Variants in PPP2R3A observed in about 807,000 individuals in gnomAD.
The protein encoded by PPP2R3A is protein phosphatase 2 regulatory subunit B''alpha, also known as serine/threonine-protein phosphatase 2A regulatory subunit B'' subunit alpha.
PPP2R3A carries 80 observed loss-of-function variants against 106.9 expected under a neutral mutation model. That is an observed-to-expected ratio of 0.75 (90% confidence interval 0.62 to 0.90). The LOEUF is 0.90. Ranked by LOEUF, PPP2R3A falls within the 40% of genes least tolerant of loss-of-function variation. The pLI is 0.00. For synonymous variants in PPP2R3A, 483 were observed against 468.3 expected, an observed-to-expected ratio of 1.03 and a Z score of -0.41; for missense variants, 1,386 against 1,350.4, an observed-to-expected ratio of 1.03 and a Z score of -0.41.
chr3:136,022,983 C>T (rs1251765040), intron 2 of PPP2R3A: 1 of 1,577,122 alleles, frequency 6.3e-7, no homozygotes, highest in African/African-American at 1.4e-5. Context: ...AAATACCTTC[C>T]TACCTGACAA....
chr3:135,981,425 G>A (rs945944519), intron 1 of PPP2R3A, among the ~76,000 whole-genome samples: 2 of 151,800 alleles, frequency 1.3e-5, no homozygotes, highest in African/African-American at 4.9e-5. Flanking sequence ...GAAATGGTCA[G>A]TAAGGCCACT....
chr3:136,082,316 T>G lies in PPP2R3A; in HGVS notation c.2683T>G (p.Phe895Val). Residue 895 changes from phenylalanine (F) to valine (V), a missense_variant, in exon 8 of 14, where the codon TTC (phenylalanine) becomes GTC (valine). Phe to Val is a conservative substitution (Grantham distance 50). Transcript: ENST00000264977. The part of the protein sequence containing the change: ...EEDINQITDY[F>V]SYEHFYVIYC... ...AGATATAAACCAAATTACAGATTAC[T>G]TCTCCTATGAACATTTCTATGTTAT... 1.2e-6 allele frequency: 2 copies of G among 1,603,390 alleles called. No individual in the cohort carries two copies. Among genetic ancestry groups the G allele is most frequent in the Non-Finnish European group, 1.7e-6 (2 of 1,170,242 alleles).
intron 1 of PPP2R3A, among the ~76,000 whole-genome samples, chr3:135,988,643 C>T (rs575237224): frequency 1.3e-5 from 2 of 152,238 alleles, no homozygotes; most frequent in South Asian, 4.1e-4. Flanking sequence ...CATGCTCCCA[C>T]CTCAGAACCT....
intron 5 of PPP2R3A, among the ~76,000 whole-genome samples, chr3:136,059,304 A>C (rs1935997465): frequency 6.6e-6 from 1 of 152,156 alleles, no homozygotes; most frequent in Non-Finnish European, 1.5e-5. Context: ...AAAAAACATA[A>C]AAAAGTGAGC....
At chr3:136,082,490 T>G (rs571465145) in intron 8 of PPP2R3A, 69 bp downstream of exon 8, 1 of 1,530,806 alleles carries the variant, frequency 6.5e-7, no homozygotes, top group African/African-American at 1.4e-5. Flanking sequence ...CTACTCATTA[T>G]GAGAAATTCC....
In PPP2R3A at chr3:136,051,561, C is replaced by T. The variant is rs1935688544; in HGVS notation, c.2469+2200C>T. Among the ~76,000 whole-genome samples, 5 of 152,198 alleles carry T rather than the reference C, an allele frequency of 3.3e-5. No individual in the cohort carries two copies. In the South Asian group the frequency reaches 1.0e-3, roughly 32 times the overall value. On this transcript the variant is annotated intron_variant, in intron 5 of 13. Transcript: ENST00000264977. ...GCCAGGTTGGTCTCGAACTCCTGAC[C>T]TCCGGTGATCCACCTGCCTCAGCCT...
Position 136,001,333 on chromosome 3 carries a change from A to G in PPP2R3A, c.-166A>G, listed in dbSNP as rs1322106067. The G allele has an allele frequency of 3.4e-5, 21 of 621,736 alleles. No homozygotes were observed. Among genetic ancestry groups the G allele is most frequent in the Non-Finnish European group, 1.1e-5 (4 of 363,808 alleles). 38.5% of individuals were successfully genotyped at this position (621,736 alleles called of 1,614,324 possible). On this transcript the variant is annotated 5_prime_UTR_variant, in exon 2 of 14. Coordinates refer to ENST00000264977, the MANE Select transcript of PPP2R3A (RefSeq NM_002718.5). ...AGCTACTGTATCCTGATAGTGACCA[A>G]ACCTCAAATATAAATGGTTTCCCTT...
chr3:135,980,476 T>C (rs528451565), intron 1 of PPP2R3A, among the ~76,000 whole-genome samples: 9 of 151,006 alleles, frequency 6.0e-5, no homozygotes, highest in African/African-American at 2.0e-4. Flanking sequence ...AAGTGTATAA[T>C]AGAAAAGGAA....
chr3:135,977,115 T>C lies in PPP2R3A; in HGVS notation c.-441+11266T>C, dbSNP rs1937438973. On this transcript the variant is annotated intron_variant, in intron 1 of 13. Coordinates refer to ENST00000264977, the MANE Select transcript of PPP2R3A (RefSeq NM_002718.5). ...AATATATTTAAAATTAAATATTAAA[T>C]AGCTATAGTAGAATATTTGTAAAAC... 2.6e-5 allele frequency among the ~76,000 whole-genome samples: 4 copies of C among 152,076 alleles called. No individual in the cohort carries two copies. The South Asian group carries it at 8.3e-4, about 31-fold the overall frequency.
rs148120084 is a variant in PPP2R3A, at chr3:136,056,908, G to A, written c.2469+7547G>A. On this transcript the variant is annotated intron_variant, in intron 5 of 13. Transcript: ENST00000264977. ...AGAAAATAACCTTATTTAAAAATGG[G>A]CAAAGGCAACAGGTATATGAAAAAA... 1.7e-3 allele frequency among the ~76,000 whole-genome samples: 259 copies of A among 152,024 alleles called. 5 individuals are homozygous for A. The East Asian group carries it at 0.024, about 14-fold the overall frequency.
intron 6 of PPP2R3A, among the ~76,000 whole-genome samples, chr3:136,074,824 T>A (rs1936545697): frequency 6.6e-6 from 1 of 152,190 alleles, no homozygotes; most frequent in Admixed American, 6.5e-5. Flanking sequence ...ACTAAGAGCT[T>A]ACCAACTCTT....
At chr3:136,067,766 C>T (rs1051799526) in intron 5 of PPP2R3A, among the ~76,000 whole-genome samples, 2 of 152,198 alleles carry the variant, frequency 1.3e-5, no homozygotes, top group Non-Finnish European at 2.9e-5. Context: ...TAGTAATGGG[C>T]ACCTTTCACA....
At chr3:136,013,859 T>A (rs957898837) in intron 2 of PPP2R3A, among the ~76,000 whole-genome samples, 17 of 152,120 alleles carry the variant, frequency 1.1e-4, no homozygotes, top group African/African-American at 4.1e-4. Flanking sequence ...TCCCATCTAT[T>A]TATCTCTGTT....
In PPP2R3A at chr3:136,001,722, A is replaced by T. The variant is rs376436575; in HGVS notation, c.224A>T (p.His75Leu). 6.2e-7 allele frequency: 1 copy of T among 1,614,124 alleles called. No homozygotes were observed. The highest frequency in any genetic ancestry group is 8.5e-7 in the Non-Finnish European group (1 of 1,180,002). ...GATCTGAACTCTATGTTTCTACCCC[A>T]TGAAAATGGGCTTTCTTCGGCTGAA... ...DADLNSMFLP[H>L]ENGLSSAEGD... The change falls in exon 2 of 14, where the codon CAT becomes CTT. Residue 75 changes from histidine (H) to leucine (L), a missense_variant. Transcript: ENST00000264977.
chr3:136,108,427 AAAAG>A (rs2107978453), intron 13 of PPP2R3A, among the ~76,000 whole-genome samples: 1 of 152,338 alleles, frequency 6.6e-6, no homozygotes, highest in South Asian at 2.1e-4. Flanking sequence ...AATGTAATAG[AAAAG>A]AAACAAAAAA....
intron 3 of PPP2R3A, among the ~76,000 whole-genome samples, chr3:136,031,879 C>T (rs1934903272): frequency 6.6e-6 from 1 of 152,182 alleles, no homozygotes; most frequent in South Asian, 2.1e-4. Flanking sequence ...ATTTTTATAA[C>T]AGTACCATGC....
intron 4 of PPP2R3A, among the ~76,000 whole-genome samples, chr3:136,044,992 ACACAACCATAGG>A (rs1243217971): frequency 4.6e-5 from 7 of 152,246 alleles, no homozygotes; most frequent in Admixed American, 4.6e-4. Context: ...CTGCAACAAA[ACACAACCATAGG>A]CACCTATCCC....
Position 136,089,710 on chromosome 3 carries a change from C to T in PPP2R3A, c.2838-868C>T, listed in dbSNP as rs191202020. ...GCTTTGGGGAGTATGGCTATTTTAACGATATTGAATCTTCCTATCCATGAC... is the reference window on the plus strand; with the variant it reads ...GCTTTGGGGAGTATGGCTATTTTAATGATATTGAATCTTCCTATCCATGAC... On this transcript the variant is annotated intron_variant, in intron 9 of 13. Coordinates refer to ENST00000264977, the MANE Select transcript of PPP2R3A (RefSeq NM_002718.5). Among the ~76,000 whole-genome samples, 203 of 150,454 alleles carry T rather than the reference C, an allele frequency of 1.3e-3. 1 individual carries two copies. The highest frequency in any genetic ancestry group is 4.5e-3 in the African/African-American group (186 of 40,964).
At chr3:136,119,662 C>T (rs1038782329) in intron 13 of PPP2R3A, among the ~76,000 whole-genome samples, 10 of 152,262 alleles carry the variant, frequency 6.6e-5, no homozygotes, top group Non-Finnish European at 1.3e-4. Flanking sequence ...CAATGAGATA[C>T]CATCTCACAC....
Sources: allele counts gnomAD v4.1 joint callset (sites outside exome capture counted in the v4.1 genomes callset), GRCh38; gene constraint gnomAD v4.1.1; transcripts MANE v1.5; gene names NCBI Gene and HGNC (gene_info 2026-07-23, HGNC 2026-07-21).